The following TRDN variants were observed in gnomAD, a reference collection of about 807,000 sequenced individuals.
The protein encoded by TRDN is triadin in skeletal muscle.
Under a neutral mutation model 149.7 loss-of-function variants are expected in TRDN, and 161 were observed. That is an observed-to-expected ratio of 1.08 (90% CI 0.95 to 1.23). The LOEUF (loss-of-function observed/expected upper bound fraction) is 1.23, where lower values mean the gene tolerates loss of function less well. Among genes scored for constraint, TRDN ranks in the 50% most tolerant of loss-of-function variants. TRDN has a pLI of 0.00. For synonymous variants in TRDN, 294 were observed against 250.5 expected, an observed-to-expected ratio of 1.17 and a Z score of -1.64; for missense variants, 896 against 823.5, an observed-to-expected ratio of 1.09 and a Z score of -1.08.
intron 7 of TRDN, among the ~76,000 whole-genome samples, chr6:123,505,081 TAAAAATGCA>T (rs1778857806): frequency 6.6e-6 from 1 of 151,486 alleles, no homozygotes; most frequent in South Asian, 2.1e-4. Flanking sequence ...CCATCTCTAC[TAAAAATGCA>T]AAAATTAGCT....
At chr6:123,464,651 G>T in intron 10 of TRDN, 14 of 1,214,752 alleles carry the variant, frequency 1.2e-5, no homozygotes, top group African/African-American at 7.6e-5. Context: ...ATATTTTTTT[G>T]CTTGATTCCC....
intron 14 of TRDN, among the ~76,000 whole-genome samples, chr6:123,385,321 G>A (rs768511233): frequency 9.2e-5 from 14 of 151,694 alleles, no homozygotes; most frequent in African/African-American, 2.7e-4. Flanking sequence ...CCAACTACTC[G>A]GGAGACTGAG....
intron 12 of TRDN, 21 bp downstream of exon 12, chr6:123,438,042 G>A (rs1583020143): frequency 1.3e-6 from 2 of 1,588,644 alleles, no homozygotes; most frequent in Non-Finnish European, 1.7e-6. Context: ...TCCATCTAAG[G>A]AAACAAAGAA....
chr6:123,496,505 T>A (rs1162397133), intron 9 of TRDN, among the ~76,000 whole-genome samples: 1 of 152,104 alleles, frequency 6.6e-6, no homozygotes, highest in East Asian at 1.9e-4. Context: ...TTCCCAAACA[T>A]GAACATAGTT....
intron 7 of TRDN, chr6:123,509,598 T>G (rs1779077788): frequency 6.6e-6 from 1 of 152,120 alleles, no homozygotes; most frequent in Admixed American, 6.6e-5. Context: ...CAAATGGTGC[T>G]TCCTCAGTTG....
chr6:123,301,752 CATAT>C (rs776895792), intron 24 of TRDN, among the ~76,000 whole-genome samples: 523 of 75,828 alleles, frequency 6.9e-3, no homozygotes, highest in East Asian at 0.017. Flanking sequence ...TATATATATA[CATAT>C]ATATATATAT....
intron 10 of TRDN, chr6:123,464,606 A>G: frequency 9.4e-7 from 1 of 1,062,204 alleles, no homozygotes; most frequent in Admixed American, 5.0e-5. Context: ...TAAAACTCCC[A>G]GAGTTGCAAG....
intron 5 of TRDN, chr6:123,529,358 A>C (rs1346190076): frequency 1.3e-6 from 2 of 1,547,550 alleles, no homozygotes; most frequent in East Asian, 4.9e-5. Context: ...TTAGTTTCCT[A>C]AGTACAAATA....
At chr6:123,299,395 T>G (rs1778322451) in intron 24 of TRDN, among the ~76,000 whole-genome samples, 1 of 152,080 alleles carries the variant, frequency 6.6e-6, no homozygotes, top group Admixed American at 6.6e-5. Context: ...CACCTGGGCT[T>G]GAGAATATTT....
intron 33 of TRDN, among the ~76,000 whole-genome samples, chr6:123,263,347 G>C (rs1583169): frequency 0.24 from 36,682 of 151,914 alleles, 4,987 homozygotes; most frequent in East Asian, 0.54. Flanking sequence ...CAGAAGAAAA[G>C]TTGGAAGCTA....
chr6:123,532,484 A>T (rs1193019646), intron 4 of TRDN, among the ~76,000 whole-genome samples: 1 of 151,988 alleles, frequency 6.6e-6, no homozygotes, highest in African/African-American at 2.4e-5. Context: ...CAGGCCTGAG[A>T]TTGCCCAGGG....
At chr6:123,310,296 A>G (rs567011816) in intron 24 of TRDN, among the ~76,000 whole-genome samples, 1 of 152,164 alleles carries the variant, frequency 6.6e-6, no homozygotes, top group Non-Finnish European at 1.5e-5. Context: ...AAAAATTTGA[A>G]TTGCTTGATA....
intron 24 of TRDN, 148 bp from the exon 25 acceptor site, chr6:123,279,230 G>A: frequency 1.6e-6 from 1 of 643,666 alleles, no homozygotes; most frequent in Non-Finnish European, 2.4e-6. Flanking sequence ...TATAGAATGT[G>A]TAACTTATGG....
At position 123,271,127 on chromosome 6, in the gene TRDN, T is replaced by A. The variant is rs1311494416; in HGVS notation, c.1720+12A>T. On this transcript the variant is annotated intron_variant, in intron 30 of 40. Transcript: ENST00000334268. ...ATGAGACATAGAAAAAAATATAAAA[T>A]ACCTTATTTACCTGTTTTTTCTATT... 3 of 1,502,146 alleles carry A rather than the reference T, an allele frequency of 2.0e-6. No individual in the cohort carries two copies. Among genetic ancestry groups the A allele is most frequent in the Non-Finnish European group, 2.7e-6 (3 of 1,118,262 alleles). 93.1% of individuals were successfully genotyped at this position (1,502,146 alleles called of 1,614,324 possible).
chr6:123,507,144 C>T (rs1288611943), intron 7 of TRDN, among the ~76,000 whole-genome samples: 2 of 151,720 alleles, frequency 1.3e-5, no homozygotes, highest in African/African-American at 4.8e-5. Flanking sequence ...ATAAACTTGT[C>T]TAAACCTGTT....
At chr6:123,226,840 T>C (rs73771532) in intron 38 of TRDN, among the ~76,000 whole-genome samples, 8,086 of 151,890 alleles carry the variant, frequency 0.053, 635 homozygotes, top group African/African-American at 0.19. Flanking sequence ...AATGTGCCAA[T>C]GAAATTTTAA....
In TRDN at chr6:123,264,814, C is replaced by CT. The variant is rs1285773667; in HGVS notation, c.1804+503dup. On this transcript the variant is annotated intron_variant, in intron 33 of 40. Transcript: ENST00000334268. ...ACTTTTACCAGCAAAAGTATTACAA[C>CT]TTGCTGGTTTCAGATGATCACTAAC... 3.9e-5 allele frequency among the ~76,000 whole-genome samples: 6 copies of CT among 152,066 alleles called. 1 individual carries two copies. The highest frequency in any genetic ancestry group is 6.6e-5 in the Admixed American group (1 of 15,186).
At chr6:123,549,485 T>C (rs138168679) in intron 2 of TRDN, among the ~76,000 whole-genome samples, 107 of 152,182 alleles carry the variant, frequency 7.0e-4, no homozygotes, top group African/African-American at 2.5e-3. Flanking sequence ...TTTTCCTTAA[T>C]TTTAAAAACT....
At chr6:123,279,464 TAGTC>T (rs1777503109) in intron 24 of TRDN, among the ~76,000 whole-genome samples, 1 of 152,270 alleles carries the variant, frequency 6.6e-6, no homozygotes, top group African/African-American at 2.4e-5. Flanking sequence ...GCTCTATTCA[TAGTC>T]AGTTTTAATT....
Sources: allele counts gnomAD v4.1 joint callset (sites outside exome capture counted in the v4.1 genomes callset), GRCh38; gene constraint gnomAD v4.1.1; transcripts MANE v1.5; gene names NCBI Gene and HGNC (gene_info 2026-07-23, HGNC 2026-07-21).